Variants in USP48 observed in about 807,000 individuals in gnomAD.
USP48 encodes ubiquitin carboxyl-terminal hydrolase 48.
A neutral mutation model predicts 150.7 loss-of-function variants in USP48; 43 were observed. The observed-to-expected ratio is 0.29, with a 90% confidence interval of 0.22 to 0.37. USP48 has a LOEUF of 0.37. Ranked by LOEUF, USP48 falls within the 10% of genes least tolerant of loss-of-function variation. The pLI, the probability that USP48 is intolerant of heterozygous loss-of-function variation, is 1.00. For missense variants in USP48, 813 were observed against 1,249.6 expected (o/e 0.65, Z 5.27); for synonymous variants, 396 against 425.9 (o/e 0.93, Z 0.86).
At chr1:21,729,447 T>C (rs998281072) in intron 10 of USP48, among the ~76,000 whole-genome samples, 7 of 152,218 alleles carry the variant, frequency 4.6e-5, no homozygotes, top group Admixed American at 1.3e-4. Flanking sequence ...AAATACTCTA[T>C]AAACCGAACA....
chr1:21,696,636 T>C (rs1194489616), intron 22 of USP48, among the ~76,000 whole-genome samples: 1 of 152,098 alleles, frequency 6.6e-6, no homozygotes, highest in Non-Finnish European at 1.5e-5. Flanking sequence ...TATGAGCACA[T>C]TATTAGTATT....
intron 21 of USP48, among the ~76,000 whole-genome samples, chr1:21,703,072 C>T (rs2097661856): frequency 6.6e-6 from 1 of 152,246 alleles, no homozygotes; most frequent in Non-Finnish European, 1.5e-5. Flanking sequence ...AACAACTTCT[C>T]CAAGACGCCT....
At chr1:21,745,782 T>C (rs540439106) in intron 8 of USP48, among the ~76,000 whole-genome samples, 34 of 152,350 alleles carry the variant, frequency 2.2e-4, no homozygotes, top group Non-Finnish European at 4.0e-4. Flanking sequence ...CCTAAGTTTC[T>C]GGACTGGGAA....
intron 15 of USP48, among the ~76,000 whole-genome samples, chr1:21,714,151 T>C (rs1266705917): frequency 6.6e-6 from 1 of 152,102 alleles, no homozygotes; most frequent in South Asian, 2.1e-4. Flanking sequence ...CAGTTAGGAA[T>C]TCATTAGGAT....
intron 1 of USP48, among the ~76,000 whole-genome samples, chr1:21,761,433 TTTTTA>T (rs1032503778): frequency 6.6e-6 from 1 of 152,066 alleles, no homozygotes; most frequent in Admixed American, 6.6e-5. Context: ...CTTGGATAAT[TTTTTA>T]TTTTATTTTT....
intron 26 of USP48, 97 bp downstream of exon 26, chr1:21,680,711 G>T: frequency 1.7e-6 from 2 of 1,175,072 alleles, no homozygotes; most frequent in Non-Finnish European, 2.4e-6. Flanking sequence ...GACTCAGATT[G>T]GATTAAAATT....
intron 22 of USP48, among the ~76,000 whole-genome samples, chr1:21,698,825 G>A (rs1167722241): frequency 6.6e-6 from 1 of 151,986 alleles, no homozygotes; most frequent in Non-Finnish European, 1.5e-5. Context: ...AACCTCGGAG[G>A]CGGAGCTTGC....
intron 20 of USP48, 33 bp from the exon 21 acceptor site, chr1:21,703,651 G>A (rs2097663865): frequency 2.7e-6 from 4 of 1,456,548 alleles, no homozygotes; most frequent in Non-Finnish European, 3.8e-6. Context: ...GAAAACAGAA[G>A]TGGCTGAGGA....
At chr1:21,697,628 A>G (rs1251673626) in intron 22 of USP48, among the ~76,000 whole-genome samples, 2 of 150,054 alleles carry the variant, frequency 1.3e-5, no homozygotes, top group East Asian at 3.9e-4. Flanking sequence ...GCACCACTGC[A>G]CTCCAGCCTG....
chr1:21,747,989 C>T (rs1188417176), intron 7 of USP48, 149 bp downstream of exon 7: 7 of 811,160 alleles, frequency 8.6e-6, no homozygotes, highest in African/African-American at 5.4e-5. Context: ...CATGAAATAT[C>T]GACATTTCAA....
intron 1 of USP48, among the ~76,000 whole-genome samples, chr1:21,761,806 G>C (rs555951030): frequency 1.3e-5 from 2 of 152,086 alleles, no homozygotes; most frequent in African/African-American, 2.4e-5. Context: ...AAACAAGTTC[G>C]ACCAATTTAA....
intron 1 of USP48, among the ~76,000 whole-genome samples, chr1:21,771,208 T>C (rs1280164441): frequency 6.6e-6 from 1 of 151,878 alleles, no homozygotes; most frequent in East Asian, 1.9e-4. Flanking sequence ...ACCCCGTCTC[T>C]ACTAAAAATA....
intron 14 of USP48, among the ~76,000 whole-genome samples, chr1:21,718,281 T>C (rs2097710233): frequency 6.6e-6 from 1 of 152,222 alleles, no homozygotes; most frequent in Non-Finnish European, 1.5e-5. Context: ...GCTGTATGTT[T>C]TGACAGGGAG....
Position 21,690,040 on chromosome 1 carries a change from A to T in USP48, c.2943T>A (p.Ile981=). Residue 981 remains isoleucine, a synonymous_variant, in exon 24 of 27, where the codon ATT becomes ATA. Coordinates refer to ENST00000308271, the MANE Select transcript of USP48 (RefSeq NM_032236.8). ...CTAGGGTGGCACAGTCATCACTTAA[A>T]ATCTTTCCATCAATTGACAAATTCT... ...FDQNLSIDGK[I]LSDDCATLGT... 1 of 1,614,210 alleles carries T rather than the reference A, an allele frequency of 6.2e-7. No individual in the cohort carries two copies. Among genetic ancestry groups the T allele is most frequent in the Non-Finnish European group, 8.5e-7 (1 of 1,180,030 alleles).
At chr1:21,709,707 T>C (rs906520669) in intron 15 of USP48, among the ~76,000 whole-genome samples, 1 of 152,122 alleles carries the variant, frequency 6.6e-6, no homozygotes, top group East Asian at 1.9e-4. Flanking sequence ...ACAGACACTG[T>C]GGGTGCACGG....
At chr1:21,723,768 G>T in intron 12 of USP48, 130 bp downstream of exon 12, 1 of 786,528 alleles carries the variant, frequency 1.3e-6, no homozygotes, top group South Asian at 1.8e-5. Context: ...CAAATCCTTT[G>T]TGCAAAGTGT....
At chr1:21,776,933 G>A (rs1175878189) in intron 1 of USP48, among the ~76,000 whole-genome samples, 1 of 149,100 alleles carries the variant, frequency 6.7e-6, no homozygotes, top group Non-Finnish European at 1.5e-5. Context: ...GGCAACAAGA[G>A]TGAAACTCTG....
At chr1:21,734,715 A>G (rs1216783015) in intron 9 of USP48, among the ~76,000 whole-genome samples, 3 of 152,200 alleles carry the variant, frequency 2.0e-5, no homozygotes, top group Non-Finnish European at 4.4e-5. Flanking sequence ...GTGAGTCTGC[A>G]TGTGTCATCT....
intron 9 of USP48, among the ~76,000 whole-genome samples, chr1:21,733,395 C>T (rs1379630311): frequency 6.6e-6 from 1 of 151,474 alleles, no homozygotes; most frequent in East Asian, 1.9e-4. Context: ...CCAGCCTGGC[C>T]GACAGAGGAA....
Sources: allele counts gnomAD v4.1 joint callset (sites outside exome capture counted in the v4.1 genomes callset), GRCh38; gene constraint gnomAD v4.1.1; transcripts MANE v1.5; gene names NCBI Gene and HGNC (gene_info 2026-07-23, HGNC 2026-07-21).